NDUFA5: variants seen among roughly 807,000 people sequenced by gnomAD.
The protein encoded by NDUFA5 is NADH dehydrogenase [ubiquinone] 1 alpha subcomplex subunit 5.
Under a neutral mutation model 19.8 loss-of-function variants are expected in NDUFA5, and 11 were observed. The ratio of observed to expected loss-of-function variants is 0.56; its 90% CI spans 0.35 to 0.92. The LOEUF (loss-of-function observed/expected upper bound fraction) is 0.92. NDUFA5 is among the 40% of genes least tolerant of loss of function. NDUFA5 has a pLI of 0.01. For synonymous variants in NDUFA5, 47 were observed against 46.8 expected (o/e 1.00, Z -0.01); for missense variants, 109 against 134.2 (o/e 0.81, Z 0.93).
At chr7:123,550,433 T>C in intron 3 of NDUFA5, 37 bp downstream of exon 3, 3 of 137,972 alleles carry the variant, frequency 2.2e-5, no homozygotes, top group Non-Finnish European at 3.6e-5. Flanking sequence ...TTTGGTTAAA[T>C]GTTACACAAG....
Position 123,540,510 on chromosome 7 carries a change from A to G in NDUFA5, c.*1609T>C, listed in dbSNP as rs1797890608. 1 of 152,208 alleles carries G rather than the reference A, an allele frequency of 6.6e-6. No individual in the cohort carries two copies. Among genetic ancestry groups the G allele is most frequent in the Non-Finnish European group, 1.5e-5 (1 of 68,042 alleles). 9.4% of individuals were successfully genotyped at this position (152,208 alleles called of 1,614,324 possible). A position where few individuals can be genotyped will look rare whatever the true frequency, so the allele number is the denominator to read the frequency against. On this transcript the variant is annotated 3_prime_UTR_variant, in exon 5 of 5. Transcript: ENST00000355749. The stretch of plus-strand genomic sequence containing the variant: ...AAAATTACCTTGAAAGTACCCATGC[A>G]AACACACTTCAGCATCATGTTTTAA...
At chr7:123,570,580 C>A in the NDUFA5 span, among the ~76,000 whole-genome samples, 1 of 152,198 alleles carries the variant, frequency 6.6e-6, no homozygotes, top group Non-Finnish European at 1.5e-5. Flanking sequence ...CTCACTCTAG[C>A]AGGCATGCCT....
At chr7:123,568,684 A>C in the NDUFA5 span, among the ~76,000 whole-genome samples, 2 of 152,214 alleles carry the variant, frequency 1.3e-5, no homozygotes, top group Admixed American at 1.3e-4. Context: ...GATGAAAGGC[A>C]AAAATGTTTG....
chr7:123,558,628 T>C (rs1798642390), upstream of NDUFA5, among the ~76,000 whole-genome samples: 1 of 152,084 alleles, frequency 6.6e-6, no homozygotes, highest in Non-Finnish European at 1.5e-5. Context: ...AAAGAACAAA[T>C]TGAGAAAACA....
the NDUFA5 span, among the ~76,000 whole-genome samples, chr7:123,572,131 CTTTTTTTTTTTTTTT>C: frequency 6.3e-5 from 3 of 47,978 alleles, no homozygotes; most frequent in South Asian, 1.1e-3. Context: ...TGTAGAATTT[CTTTTTTTTTTTTTTT>C]TTTTTTTTTT....
At chr7:123,559,766 G>C (rs1350406346), upstream of NDUFA5, among the ~76,000 whole-genome samples, 1 of 148,324 alleles carries the variant, frequency 6.7e-6, no homozygotes, top group East Asian at 2.0e-4. Flanking sequence ...TGAGACAGGA[G>C]AATCACTCAA....
At chr7:123,574,286 C>T in the NDUFA5 span, among the ~76,000 whole-genome samples, 1 of 151,652 alleles carries the variant, frequency 6.6e-6, no homozygotes, top group Non-Finnish European at 1.5e-5. Flanking sequence ...TACTATGCAA[C>T]AGCCTTCTAA....
At position 123,549,796 on chromosome 7, in the gene NDUFA5, G is replaced by A. The variant is rs192743007; in HGVS notation, c.183+674C>T. Among the ~76,000 whole-genome samples, 142 of 152,184 alleles carry A rather than the reference G, an allele frequency of 9.3e-4. 1 individual carries two copies. The highest frequency in any genetic ancestry group is 3.4e-3 in the Middle Eastern group (1 of 294). On this transcript the variant is annotated intron_variant, in intron 3 of 4. Transcript: ENST00000355749. Reference sequence around the variant, plus strand: ...CATCATATAATACAATACAAAATACGATATAATACAAACTGCATTGTTTTG... The same window carrying A: ...CATCATATAATACAATACAAAATACAATATAATACAAACTGCATTGTTTTG...
At chr7:123,575,342 T>A in the NDUFA5 span, among the ~76,000 whole-genome samples, 1 of 152,124 alleles carries the variant, frequency 6.6e-6, no homozygotes, top group Non-Finnish European at 1.5e-5. Context: ...TCTTAGTGCT[T>A]GCTTTCATAT....
chr7:123,557,066 G>A lies in NDUFA5; in HGVS notation c.66+338C>T, dbSNP rs142377299. ...TAAGCCTAAATATATGTAATCCAAC[G>A]CACCTAAGCAGAAACGGTAAGGCAA... On this transcript the variant is annotated intron_variant, in intron 2 of 4. Coordinates refer to ENST00000355749, the MANE Select transcript of NDUFA5 (RefSeq NM_005000.5). 5.5e-3 allele frequency: 2,967 copies of A among 538,060 alleles called. 33 individuals carry two copies. Among genetic ancestry groups the A allele is most frequent in the Non-Finnish European group, 5.5e-3 (1,549 of 280,884 alleles). The allele number at this position is 538,060 out of a possible 1,614,324, so 33.3% of individuals were successfully genotyped here. A position where few individuals can be genotyped will look rare whatever the true frequency, so the allele number is the denominator to read the frequency against.
At position 123,540,183 on chromosome 7, in the gene NDUFA5, T is replaced by C. The variant is rs1310473643; in HGVS notation, c.*1936A>G. The stretch of plus-strand genomic sequence containing the variant: ...CACTCTTAGGGTTGTAGTGCAGGTT[T>C]AATGAGTGAAATTAGTCAGGTACTT... On this transcript the variant is annotated 3_prime_UTR_variant, in exon 5 of 5. Coordinates refer to ENST00000355749, the MANE Select transcript of NDUFA5 (RefSeq NM_005000.5). The C allele has an allele frequency of 6.6e-6, 1 of 152,206 alleles. No individual in the cohort carries two copies. Among genetic ancestry groups the C allele is most frequent in the African/African-American group, 2.4e-5 (1 of 41,456 alleles). The allele number at this position is 152,206 out of a possible 1,614,324, so 9.4% of individuals were successfully genotyped here.
chr7:123,567,237 GA>G, the NDUFA5 span: 2 of 152,174 alleles, frequency 1.3e-5, no homozygotes, highest in African/African-American at 4.8e-5. Flanking sequence ...AGGGATTTCA[GA>G]ATGTCTAAAT....
At chr7:123,558,487 T>C (rs1016356456), upstream of NDUFA5, among the ~76,000 whole-genome samples, 9 of 152,230 alleles carry the variant, frequency 5.9e-5, no homozygotes, top group Admixed American at 5.9e-4. Flanking sequence ...ATTCAAAGAA[T>C]AATGAAGAAG....
At chr7:123,545,558 C>T (rs1798098855) in intron 4 of NDUFA5, 53 bp downstream of exon 4, 1 of 1,375,408 alleles carries the variant, frequency 7.3e-7, no homozygotes, top group Admixed American at 1.8e-5. Flanking sequence ...TCTAGAACGT[C>T]AGTTGTGTGT....
At chr7:123,592,706 T>G in the NDUFA5 span, among the ~76,000 whole-genome samples, 1 of 152,170 alleles carries the variant, frequency 6.6e-6, no homozygotes, top group Non-Finnish European at 1.5e-5. Context: ...TACTTCCAAT[T>G]TTTTGGTCAA....
intron 2 of NDUFA5, among the ~76,000 whole-genome samples, chr7:123,553,312 G>A (rs950744195): frequency 6.6e-6 from 1 of 152,236 alleles, no homozygotes; most frequent in Non-Finnish European, 1.5e-5. Flanking sequence ...AGGGGCAAAG[G>A]CTTGTCTTAC....
chr7:123,557,136 A>T (rs1188448347), intron 2 of NDUFA5: 1 of 660,510 alleles, frequency 1.5e-6, no homozygotes, highest in Admixed American at 2.1e-5. Context: ...GATGGCGCTG[A>T]CAGAAGCAAG....
At chr7:123,550,933 T>A (rs929448451) in intron 2 of NDUFA5, among the ~76,000 whole-genome samples, 5 of 152,230 alleles carry the variant, frequency 3.3e-5, no homozygotes, top group African/African-American at 4.8e-5. Flanking sequence ...TTTTTCTTTC[T>A]TTCTTTCTTT....
At chr7:123,587,654 T>C in the NDUFA5 span, among the ~76,000 whole-genome samples, 1 of 151,546 alleles carries the variant, frequency 6.6e-6, no homozygotes, top group Admixed American at 6.6e-5. Flanking sequence ...GCTTTTCACC[T>C]GTATGTTCAC....
Sources: allele counts gnomAD v4.1 joint callset (sites outside exome capture counted in the v4.1 genomes callset), GRCh38; gene constraint gnomAD v4.1.1; transcripts MANE v1.5; gene names NCBI Gene and HGNC (gene_info 2026-07-23, HGNC 2026-07-21).